Variants in TBC1D30 observed in about 807,000 individuals in gnomAD.
TBC1D30 encodes the protein TBC1 domain family, member 30.
A neutral mutation model predicts 63.2 loss-of-function variants in TBC1D30; 31 were observed. That is an observed-to-expected ratio of 0.49 (90% CI 0.37 to 0.66). The LOEUF is 0.66. Ranked by LOEUF, TBC1D30 falls within the 30% of genes least tolerant of loss-of-function variation. The pLI is 0.00. For missense variants in TBC1D30, 810 were observed against 953.6 expected (o/e 0.85, Z 1.98); for synonymous variants, 307 against 361.5 (o/e 0.85, Z 1.71).
At chr12:64,870,548 T>C in intron 10 of TBC1D30, 54 bp from the exon 11 acceptor site, 2 of 1,417,494 alleles carry the variant, frequency 1.4e-6, no homozygotes, top group Non-Finnish European at 1.9e-6. Context: ...AATTTCCATT[T>C]ACTCCTGTTC....
At chr12:64,781,113 G>T in exon 1 of TBC1D30, 3 of 1,004,412 alleles carry the variant, frequency 3.0e-6, no homozygotes, top group South Asian at 8.2e-5. Flanking sequence ...GCGGGCGGGG[G>T]CCGCGGGGCC....
At chr12:64,867,150 AAAC>A (rs1169868200) in intron 10 of TBC1D30, among the ~76,000 whole-genome samples, 6 of 152,184 alleles carry the variant, frequency 3.9e-5, no homozygotes, top group Admixed American at 2.6e-4. Context: ...AGTCTCTACC[AAAC>A]AACAACAACA....
rs1720613722 is a variant in TBC1D30 at position 64,876,075 on chromosome 12, C to G, written c.*287C>G. 6 of 347,266 alleles carry G rather than the reference C, an allele frequency of 1.7e-5. No individual in the cohort carries two copies. In the South Asian group the frequency reaches 3.1e-4, roughly 18 times the overall value. 21.5% of individuals were successfully genotyped at this position (347,266 alleles called of 1,614,324 possible). A position where few individuals can be genotyped will look rare whatever the true frequency, so the allele number is the denominator to read the frequency against. ...TTCATTGTGAGCTGTTTAAAAAAGACTATATCTAGATTGTTAACTCTCGTC... is the reference window on the plus strand; with the variant it reads ...TTCATTGTGAGCTGTTTAAAAAAGAGTATATCTAGATTGTTAACTCTCGTC... On this transcript the variant is annotated 3_prime_UTR_variant, in exon 12 of 12. Coordinates refer to ENST00000539867, the MANE Select transcript of TBC1D30 (RefSeq NM_015279.2).
At chr12:64,847,313 T>C (rs1876478727) in intron 8 of TBC1D30, among the ~76,000 whole-genome samples, 1 of 152,008 alleles carries the variant, frequency 6.6e-6, no homozygotes, top group Non-Finnish European at 1.5e-5. Flanking sequence ...TTCAGTTTTA[T>C]ATATCTTTTC....
chr12:64,866,747 CTTTTA>C lies in TBC1D30; in HGVS notation c.1152-15_1152-11del. The C allele has an allele frequency of 6.5e-7, 1 of 1,527,394 alleles. No homozygotes were observed. Among genetic ancestry groups the C allele is most frequent in the Non-Finnish European group, 8.7e-7 (1 of 1,143,666 alleles). The allele number at this position is 1,527,394 out of a possible 1,614,324, so 94.6% of individuals were successfully genotyped here. Reference sequence around the variant, plus strand: ...TTTTCTTTGTATATTTCTTTTTTGTCTTTTATGTTTTCCAAGACGACATAGTAAGG... The same window carrying C: ...TTTTCTTTGTATATTTCTTTTTTGTCTGTTTTCCAAGACGACATAGTAAGG... On this transcript the variant is annotated splice_polypyrimidine_tract_variant and intron_variant, in intron 9 of 11. Transcript: ENST00000539867.
chr12:64,825,365 A>T lies in TBC1D30; in HGVS notation c.154+332A>T, dbSNP rs377497150. On this transcript the variant is annotated intron_variant, in intron 1 of 11. Coordinates refer to ENST00000539867, the MANE Select transcript of TBC1D30 (RefSeq NM_015279.2). ...GGCTGCCCGGGCCCTCAGAGGCCGC[A>T]CCACCTATTGTGTTCCAGGCTCGCA... 154 of 313,650 alleles carry T rather than the reference A, an allele frequency of 4.9e-4. 4 individuals are homozygous for T. The South Asian group carries it at 8.6e-3, about 17-fold the overall frequency. 19.4% of individuals were successfully genotyped at this position (313,650 alleles called of 1,614,324 possible). A position where few individuals can be genotyped will look rare whatever the true frequency, so the allele number is the denominator to read the frequency against.
intron 2 of TBC1D30, among the ~76,000 whole-genome samples, chr12:64,813,483 A>C (rs949110760): frequency 3.9e-5 from 6 of 152,190 alleles, no homozygotes; most frequent in Non-Finnish European, 7.3e-5. Context: ...GAGACAATGA[A>C]CTTACCCAAG....
intron 2 of TBC1D30, among the ~76,000 whole-genome samples, chr12:64,794,933 T>C (rs577236324): frequency 6.6e-6 from 1 of 152,378 alleles, no homozygotes; most frequent in African/African-American, 2.4e-5. Flanking sequence ...AAAGATATTA[T>C]GATAGAGACT....
At chr12:64,802,472 C>T (rs1381475388) in intron 2 of TBC1D30, among the ~76,000 whole-genome samples, 1 of 152,018 alleles carries the variant, frequency 6.6e-6, no homozygotes, top group Non-Finnish European at 1.5e-5. Flanking sequence ...CTCTGATCCC[C>T]ACCAATTTTG....
At chr12:64,781,406 T>G in intron 1 of TBC1D30, 1 of 958,346 alleles carries the variant, frequency 1.0e-6, no homozygotes, top group Non-Finnish European at 1.2e-6. Context: ...TACTGTCTCT[T>G]TGGATCTGAC....
chr12:64,872,604 A>G (rs1293209559), intron 11 of TBC1D30, among the ~76,000 whole-genome samples: 1 of 152,196 alleles, frequency 6.6e-6, no homozygotes. Context: ...TAGGTTTGGA[A>G]TGGAGCTGAA....
chr12:64,800,104 T>C lies in TBC1D30; in HGVS notation c.643+14059T>C, dbSNP rs150334420. Among the ~76,000 whole-genome samples the C allele has an allele frequency of 8.0e-3, 1,219 of 152,172 alleles. 9 individuals carry two copies. Among genetic ancestry groups the C allele is most frequent in the Non-Finnish European group, 0.01 (708 of 68,012 alleles). ...CTGGGCTACAGAGTGAGACTCCCTCTCAAACAAAACAAAACAAAACAAAAG... is the reference window on the plus strand; with the variant it reads ...CTGGGCTACAGAGTGAGACTCCCTCCCAAACAAAACAAAACAAAACAAAAG... On this transcript the variant is annotated intron_variant, in intron 2 of 12. Coordinates refer to the TBC1D30 transcript ENST00000542120.
intron 2 of TBC1D30, among the ~76,000 whole-genome samples, chr12:64,813,815 T>C (rs1325906701): frequency 2.0e-5 from 3 of 152,206 alleles, no homozygotes; most frequent in Non-Finnish European, 4.4e-5. Flanking sequence ...CTTGACATGA[T>C]GAGCTCATGA....
chr12:64,763,634 G>T, intron 1 of TBC1D30, among the ~76,000 whole-genome samples: 1 of 144,520 alleles, frequency 6.9e-6, no homozygotes, highest in South Asian at 2.2e-4. Context: ...TTTTGAGACA[G>T]AGTCTTGCTC....
intron 11 of TBC1D30, among the ~76,000 whole-genome samples, chr12:64,871,935 C>T (rs142797275): frequency 2.6e-5 from 4 of 152,286 alleles, no homozygotes; most frequent in East Asian, 3.9e-4. Context: ...GGTGCTAAAT[C>T]GGCCCAGTGG....
intron 1 of TBC1D30, among the ~76,000 whole-genome samples, chr12:64,782,294 T>TA (rs60553568): frequency 0.01 from 1,456 of 141,726 alleles, 8 homozygotes; most frequent in African/African-American, 0.018. Context: ...CTCACTGTAT[T>TA]AAAAAAAAAA....
At chr12:64,785,941 C>T (rs1220020413) in exon 2 of TBC1D30, 5 of 1,289,700 alleles carry the variant, frequency 3.9e-6, no homozygotes, top group Admixed American at 4.6e-5. Context: ...ATCCAGTCGG[C>T]CAAGTTACTT....
At chr12:64,777,078 C>G (rs1871102389), upstream of TBC1D30, among the ~76,000 whole-genome samples, 1 of 152,146 alleles carries the variant, frequency 6.6e-6, no homozygotes, top group Non-Finnish European at 1.5e-5. Context: ...TAAAAACTCT[C>G]AATAAACTAG....
At chr12:64,809,848 G>A (rs1465592317) in intron 2 of TBC1D30, among the ~76,000 whole-genome samples, 1 of 152,000 alleles carries the variant, frequency 6.6e-6, no homozygotes, top group East Asian at 1.9e-4. Flanking sequence ...TCCCCCAGAT[G>A]GTTTATTATT....
Sources: gnomAD v4.1 joint callset for allele counts (sites outside exome capture counted in the v4.1 genomes callset) on GRCh38, gnomAD v4.1.1 for gene constraint, MANE v1.5 for transcripts, NCBI Gene and HGNC (gene_info 2026-07-23, HGNC 2026-07-21) for gene names.